The following TNR variants were observed in gnomAD, a reference collection of about 807,000 sequenced individuals.
TNR encodes tenascin-R.
A neutral mutation model predicts 150.4 loss-of-function variants in TNR; 45 were observed. The ratio of observed to expected loss-of-function variants is 0.30; its 90% CI spans 0.24 to 0.38. The LOEUF is 0.38. Among genes scored for constraint, TNR ranks in the 10% least tolerant of loss-of-function variants. The probability of loss-of-function intolerance (pLI) is 1.00; values close to 1 mark genes in which losing one functional copy is unlikely to be tolerated. For synonymous variants in TNR, 687 were observed against 678.4 expected (o/e 1.01, Z -0.20); for missense variants, 1,544 against 1,759.1 (o/e 0.88, Z 2.19).
intron 2 of TNR, among the ~76,000 whole-genome samples, chr1:175,525,588 G>T (rs1423388476): frequency 6.6e-6 from 1 of 152,170 alleles, no homozygotes; most frequent in Non-Finnish European, 1.5e-5. Flanking sequence ...GGACTGGCAG[G>T]GCCAGTGCAG....
intron 6 of TNR, among the ~76,000 whole-genome samples, chr1:175,392,086 A>G (rs1653196370): frequency 6.6e-6 from 1 of 152,248 alleles, no homozygotes; most frequent in Non-Finnish European, 1.5e-5. Context: ...GGAAGCTTGG[A>G]AAAAGATAAT....
At chr1:175,664,188 C>T (rs1665463115) in intron 1 of TNR, among the ~76,000 whole-genome samples, 1 of 152,224 alleles carries the variant, frequency 6.6e-6, no homozygotes, top group Non-Finnish European at 1.5e-5. Context: ...CAGCTACAGC[C>T]AGCTGGCCTC....
At chr1:175,552,704 T>C (rs1186342557) in intron 1 of TNR, among the ~76,000 whole-genome samples, 1 of 152,212 alleles carries the variant, frequency 6.6e-6, no homozygotes, top group Non-Finnish European at 1.5e-5. Context: ...TTTTGTGATA[T>C]TGAGTCTTTC....
intron 18 of TNR, among the ~76,000 whole-genome samples, chr1:175,341,945 C>A (rs754338147): frequency 5.9e-5 from 9 of 152,232 alleles, no homozygotes; most frequent in African/African-American, 1.9e-4. Flanking sequence ...CTAAGTCTGC[C>A]AACAGGACAA....
Position 175,379,598 on chromosome 1 carries a change from T to C in TNR, c.1917A>G (p.Val639=). 2.5e-6 allele frequency: 4 copies of C among 1,614,052 alleles called. No homozygotes were observed. Among genetic ancestry groups the C allele is most frequent in the Non-Finnish European group, 3.4e-6 (4 of 1,180,020 alleles). ...TTGGACCAATGCCCCTGGGGACCAG[T>C]ACCTCATGATATTGCTCACCCGCCA... The part of the protein sequence containing the change: ...STLAGEQYHE[V]LVPRGIGPTT... The change falls in exon 9 of 23, where the codon GTA becomes GTG. Residue 639 remains valine (V), a synonymous_variant. Transcript: ENST00000367674.
chr1:175,545,093 T>A (rs1660635446), intron 1 of TNR, among the ~76,000 whole-genome samples: 1 of 152,234 alleles, frequency 6.6e-6, no homozygotes, highest in African/African-American at 2.4e-5. Context: ...TTTATTGTCG[T>A]AAGCCACTGA....
At chr1:175,537,019 C>G (rs1660318236) in intron 1 of TNR, among the ~76,000 whole-genome samples, 1 of 152,184 alleles carries the variant, frequency 6.6e-6, no homozygotes, top group Non-Finnish European at 1.5e-5. Context: ...CCCACAGCCT[C>G]TCTGCATCTA....
At chr1:175,565,966 G>T (rs573286554) in intron 1 of TNR, among the ~76,000 whole-genome samples, 49 of 152,134 alleles carry the variant, frequency 3.2e-4, no homozygotes, top group Non-Finnish European at 5.0e-4. Context: ...AATAGGGGAT[G>T]GACAACAGGT....
intron 2 of TNR, among the ~76,000 whole-genome samples, chr1:175,440,650 A>G (rs1418944762): frequency 1.3e-5 from 2 of 152,168 alleles, no homozygotes; most frequent in Non-Finnish European, 2.9e-5. Context: ...AGGGGAACCA[A>G]AAGAGAGGAT....
intron 18 of TNR, among the ~76,000 whole-genome samples, chr1:175,339,600 C>G (rs1402579181): frequency 2.0e-5 from 3 of 152,174 alleles, no homozygotes; most frequent in Non-Finnish European, 1.5e-5. Flanking sequence ...TTTCTTTCTC[C>G]CCTTTCATCT....
chr1:175,505,118 G>T (rs1458890803), intron 2 of TNR, among the ~76,000 whole-genome samples: 1 of 144,030 alleles, frequency 6.9e-6, no homozygotes, highest in Non-Finnish European at 1.5e-5. Context: ...ATACAAGGTC[G>T]TTTCCAATCT....
chr1:175,540,588 C>G (rs865953431), intron 1 of TNR, among the ~76,000 whole-genome samples: 32 of 152,158 alleles, frequency 2.1e-4, no homozygotes, highest in Admixed American at 3.9e-4. Context: ...TGGGAGCAGA[C>G]AAGTACCCCA....
At chr1:175,478,985 C>T in intron 2 of TNR, among the ~76,000 whole-genome samples, 1 of 152,194 alleles carries the variant, frequency 6.6e-6, no homozygotes, top group East Asian at 1.9e-4. Flanking sequence ...TTACCATTTA[C>T]CTTTTCAAAG....
intron 1 of TNR, among the ~76,000 whole-genome samples, chr1:175,707,106 AC>A (rs1026625313): frequency 1.1e-4 from 16 of 152,200 alleles, no homozygotes; most frequent in African/African-American, 3.9e-4. Context: ...TCTAGTTTAC[AC>A]AAAATTCTCA....
In TNR at chr1:175,323,446, C is replaced by G. The variant is rs1649174244; in HGVS notation, c.3988G>C (p.Glu1330Gln). 1 of 1,614,106 alleles carries G rather than the reference C, an allele frequency of 6.2e-7. No homozygotes were observed. Among genetic ancestry groups the G allele is most frequent in the African/African-American group, 1.3e-5 (1 of 75,038 alleles). ...ATTTCCACAAAGGGGATGGAGAACT[C>G]ATGGCCTTTCCAATGGTACCAGTTG... ...GINWYHWKGH[E>Q]FSIPFVEMKM... The change falls in exon 23 of 23, where the codon GAG (glutamate) becomes CAG (glutamine). Residue 1330 changes from glutamate (E) to glutamine (Q), a missense_variant. By Grantham distance (29) the Glu-to-Gln change is conservative. This residue lies in a region of TNR where 290 missense variants were observed against 429.7 expected (regional missense o/e 0.67). Transcript: ENST00000367674.
chr1:175,381,072 T>C (rs1441687848), intron 8 of TNR, among the ~76,000 whole-genome samples: 1 of 152,254 alleles, frequency 6.6e-6, no homozygotes, highest in African/African-American at 2.4e-5. Flanking sequence ...GAGAAATTCT[T>C]CCTCACTCAC....
intron 20 of TNR, chr1:175,330,713 G>C (rs1006487099): frequency 6.6e-6 from 1 of 152,442 alleles, no homozygotes; most frequent in Non-Finnish European, 1.5e-5. Flanking sequence ...GGGCTCTGTC[G>C]AACTTTCCTT....
chr1:175,578,260 G>A (rs957573573), intron 1 of TNR, among the ~76,000 whole-genome samples: 1 of 151,962 alleles, frequency 6.6e-6, no homozygotes, highest in Non-Finnish European at 1.5e-5. Context: ...GGAGATCTGG[G>A]GACAGAGAGG....
chr1:175,540,225 T>C (rs902285512), intron 1 of TNR, among the ~76,000 whole-genome samples: 6 of 152,212 alleles, frequency 3.9e-5, no homozygotes, highest in African/African-American at 1.4e-4. Context: ...AGAGGCTCCA[T>C]GTGACCCTGC....
Sources: allele counts gnomAD v4.1 joint callset (sites outside exome capture counted in the v4.1 genomes callset), GRCh38; gene constraint gnomAD v4.1.1; regional missense constraint gnomAD v4.1.1; transcripts MANE v1.5; gene names NCBI Gene and HGNC (gene_info 2026-07-23, HGNC 2026-07-21).